The following GCNT1 variants were observed in gnomAD, a reference collection of about 807,000 sequenced individuals.
GCNT1 encodes the protein beta-1,3-galactosyl-O-glycosyl-glycoprotein beta-1,6-N-acetylglucosaminyltransferase.
GCNT1 carries 16 observed loss-of-function variants against 26.2 expected under a neutral mutation model. The observed-to-expected ratio is 0.61, with a 90% CI of 0.41 to 0.93. The LOEUF is 0.93. Ranked by LOEUF, GCNT1 falls within the 40% of genes least tolerant of loss-of-function variation. The pLI is 0.00. For missense variants in GCNT1, 477 were observed against 526.7 expected, an observed-to-expected ratio of 0.91 and a Z score of 0.92; for synonymous variants, 183 against 190.8, an observed-to-expected ratio of 0.96 and a Z score of 0.34.
chr9:76,484,313 T>A (rs1166077122), intron 2 of GCNT1, among the ~76,000 whole-genome samples: 1 of 150,736 alleles, frequency 6.6e-6, no homozygotes, highest in African/African-American at 2.4e-5. Flanking sequence ...GAGCCTGCAG[T>A]GAGCCAAGAT....
chr9:76,478,361 G>A (rs1322404129), intron 2 of GCNT1, among the ~76,000 whole-genome samples: 1 of 152,184 alleles, frequency 6.6e-6, no homozygotes, highest in East Asian at 1.9e-4. Flanking sequence ...TTTAAGAGCT[G>A]TAACGCTCAC....
chr9:76,455,023 T>G (rs1015672483), upstream of GCNT1, among the ~76,000 whole-genome samples: 4 of 151,858 alleles, frequency 2.6e-5, no homozygotes, highest in African/African-American at 9.7e-5. Flanking sequence ...AATTTTTGTA[T>G]TTTTAGTAGA....
At chr9:76,455,127 T>C (rs146755601), upstream of GCNT1, among the ~76,000 whole-genome samples, 404 of 152,286 alleles carry the variant, frequency 2.7e-3, 1 homozygote, top group African/African-American at 9.3e-3. Flanking sequence ...ATTACAGGCG[T>C]GAGCCACCGC....
intron 2 of GCNT1, among the ~76,000 whole-genome samples, chr9:76,495,405 G>A (rs1453759971): frequency 1.3e-5 from 2 of 152,208 alleles, no homozygotes; most frequent in East Asian, 3.8e-4. Context: ...GACCCAAAGA[G>A]TGAGCAACAG....
upstream of GCNT1, among the ~76,000 whole-genome samples, chr9:76,415,610 G>C (rs375519322): frequency 6.6e-6 from 1 of 152,190 alleles, no homozygotes; most frequent in East Asian, 1.9e-4. Context: ...AGAGCAGTGT[G>C]TACAGTTTTC....
chr9:76,468,206 G>A (rs1824051015), intron 2 of GCNT1, among the ~76,000 whole-genome samples: 1 of 152,136 alleles, frequency 6.6e-6, no homozygotes. Context: ...CCCTCCTTCA[G>A]TCCTGTGTCT....
At chr9:76,436,816 C>T (rs1211596420), upstream of GCNT1, among the ~76,000 whole-genome samples, 1 of 152,044 alleles carries the variant, frequency 6.6e-6, no homozygotes, top group Non-Finnish European at 1.5e-5. Flanking sequence ...TGGATAGCAC[C>T]AGGCTTAGTT....
upstream of GCNT1, among the ~76,000 whole-genome samples, chr9:76,439,229 T>C (rs184905971): frequency 9.8e-3 from 1,428 of 144,984 alleles, 11 homozygotes; most frequent in South Asian, 0.017. Flanking sequence ...TTTTCTTTTT[T>C]TTTTTTTTTT....
rs763929261 is a variant in GCNT1 at position 76,502,684 on chromosome 9, T to G, written c.303T>G (p.Ser101=). ...DDYINMTSDC[S]SFIKRRKYIV... is the part of the protein sequence containing the mutation. ...ATATAAACATGACCAGTGACTGTTC[T>G]TCTTTCATCAAGAGACGCAAATATA... The change falls in exon 4 of 4, where the codon TCT becomes TCG. Residue 101 remains serine (S), a synonymous_variant. Transcript: ENST00000376730. 9.9e-6 allele frequency: 16 copies of G among 1,614,206 alleles called. No homozygotes were observed. The highest frequency in any genetic ancestry group is 1.3e-5 in the Non-Finnish European group (15 of 1,180,014).
At chr9:76,407,461 ATCTATTTG>A in the GCNT1 span, among the ~76,000 whole-genome samples, 1 of 151,944 alleles carries the variant, frequency 6.6e-6, no homozygotes, top group Non-Finnish European at 1.5e-5. Flanking sequence ...TGTTCTATTG[ATCTATTTG>A]TCCACTTTTT....
chr9:76,422,052 G>A (rs566912496), intron 1 of GCNT1, among the ~76,000 whole-genome samples: 1 of 152,130 alleles, frequency 6.6e-6, no homozygotes. Flanking sequence ...GGCAGCAGGA[G>A]AGAGAATGAG....
the GCNT1 span, among the ~76,000 whole-genome samples, chr9:76,410,808 T>A: frequency 6.6e-6 from 1 of 152,224 alleles, no homozygotes; most frequent in Non-Finnish European, 1.5e-5. Context: ...AGTATAACAG[T>A]GGATTCATCT....
chr9:76,412,249 T>C, the GCNT1 span, among the ~76,000 whole-genome samples: 5 of 152,228 alleles, frequency 3.3e-5, no homozygotes, highest in Non-Finnish European at 7.3e-5. Context: ...TGTATGTATA[T>C]ACACCCAATC....
intron 2 of GCNT1, among the ~76,000 whole-genome samples, chr9:76,460,616 C>CA (rs760170387): frequency 1.3e-5 from 2 of 152,224 alleles, no homozygotes; most frequent in Non-Finnish European, 2.9e-5. Context: ...GAGGAAAACT[C>CA]AGACTGTGTA....
upstream of GCNT1, among the ~76,000 whole-genome samples, chr9:76,458,806 T>C (rs1197710246): frequency 6.6e-6 from 1 of 152,262 alleles, no homozygotes; most frequent in African/African-American, 2.4e-5. Context: ...TGGTTATCTC[T>C]AAACTTTACA....
chr9:76,502,328 C>A lies in GCNT1; in HGVS notation c.-54C>A, dbSNP rs1332207598. 1.6e-6 allele frequency: 2 copies of A among 1,267,514 alleles called. No homozygotes were observed. The highest frequency in any genetic ancestry group is 2.2e-6 in the Non-Finnish European group (2 of 888,956). The allele number at this position is 1,267,514 out of a possible 1,614,324, so 78.5% of individuals were successfully genotyped here. On this transcript the variant is annotated 5_prime_UTR_variant, in exon 4 of 4. Transcript: ENST00000376730. ...CACGACGGAGGGAAAATCATTGGTG[C>A]TTGGAGCATAGAAGACTGCCCTTCA...
At chr9:76,491,184 T>TCC (rs1824727425) in intron 2 of GCNT1, among the ~76,000 whole-genome samples, 1 of 131,610 alleles carries the variant, frequency 7.6e-6, no homozygotes, top group Non-Finnish European at 1.5e-5. Flanking sequence ...TTTGTCTCTT[T>TCC]CTCTCTCTGA....
At chr9:76,494,767 A>G (rs1006975664) in intron 2 of GCNT1, among the ~76,000 whole-genome samples, 4 of 152,184 alleles carry the variant, frequency 2.6e-5, no homozygotes, top group Non-Finnish European at 5.9e-5. Flanking sequence ...GGCAAGGGTC[A>G]GGATAGATAG....
At chr9:76,463,407 T>C (rs1259796069) in intron 2 of GCNT1, among the ~76,000 whole-genome samples, 3 of 152,250 alleles carry the variant, frequency 2.0e-5, no homozygotes, top group African/African-American at 7.2e-5. Context: ...AGTAAGGTTG[T>C]GGTCACAAAT....
Sources: gnomAD v4.1 joint callset for allele counts (sites outside exome capture counted in the v4.1 genomes callset) on GRCh38, gnomAD v4.1.1 for gene constraint, MANE v1.5 for transcripts, NCBI Gene and HGNC (gene_info 2026-07-23, HGNC 2026-07-21) for gene names.